UNC79: variants seen among roughly 807,000 people sequenced by gnomAD.
The protein encoded by UNC79 is protein unc-79 homolog.
In UNC79, 37 loss-of-function variants were observed where a neutral mutation model predicts 283.1. The observed-to-expected ratio is 0.13, with a 90% CI of 0.10 to 0.17. The LOEUF (loss-of-function observed/expected upper bound fraction) is 0.17. Among genes scored for constraint, UNC79 ranks in the 10% least tolerant of loss-of-function variants. The pLI is 1.00. For synonymous variants in UNC79, 1,107 were observed against 1,200.2 expected (o/e 0.92, Z 1.61); for missense variants, 2,272 against 3,211.1 (o/e 0.71, Z 7.07).
chr14:93,426,393 A>T (rs984382075), upstream of UNC79, among the ~76,000 whole-genome samples: 2 of 150,690 alleles, frequency 1.3e-5, no homozygotes, highest in African/African-American at 2.4e-5. Flanking sequence ...ATTTTGGAAA[A>T]TTTTCAGCCA....
intron 1 of UNC79, among the ~76,000 whole-genome samples, chr14:93,360,628 G>T (rs562821139): frequency 8.5e-5 from 13 of 152,186 alleles, no homozygotes; most frequent in Non-Finnish European, 1.5e-4. Flanking sequence ...CAACTTTCCA[G>T]CTTTGTGTCA....
rs74614707 is a variant in UNC79, at chr14:93,658,139, C to T, written c.6457-1054C>T. Among the ~76,000 whole-genome samples the T allele has an allele frequency of 9.0e-3, 1,374 of 152,264 alleles. 24 individuals carry two copies. The highest frequency in any genetic ancestry group is 0.031 in the African/African-American group (1,293 of 41,544). ...TCAAAATCTGTGTAAGAATTTCTCC[C>T]GCTAGGGCAGATCTGGGCACTGCCC... is the stretch of plus-strand genomic sequence containing the variant. On this transcript the variant is annotated intron_variant, in intron 38 of 48. Coordinates refer to ENST00000555664, the Ensembl canonical transcript of UNC79.
chr14:93,582,876 C>T lies in UNC79; in HGVS notation c.2803+532C>T, dbSNP rs145422350. 4.9e-3 allele frequency among the ~76,000 whole-genome samples: 739 copies of T among 152,082 alleles called. 11 individuals carry two copies. Among genetic ancestry groups the T allele is most frequent in the Non-Finnish European group, 6.5e-3 (445 of 67,996 alleles). On this transcript the variant is annotated intron_variant, in intron 20 of 48. Transcript: ENST00000555664. ...TACTCTAGCTCCTCTCACATGAGGACGTTTAGGGATTTCAGGATGTGACCC... is the reference window on the plus strand; with the variant it reads ...TACTCTAGCTCCTCTCACATGAGGATGTTTAGGGATTTCAGGATGTGACCC...
At chr14:93,535,118 G>A (rs953474648) in intron 11 of UNC79, among the ~76,000 whole-genome samples, 24 of 152,312 alleles carry the variant, frequency 1.6e-4, no homozygotes, top group African/African-American at 5.3e-4. Context: ...TTATTTCTAT[G>A]TGTTTAAAAT....
chr14:93,386,838 G>A (rs543109408), intron 1 of UNC79, among the ~76,000 whole-genome samples: 1 of 144,258 alleles, frequency 6.9e-6, no homozygotes, highest in East Asian at 2.1e-4. Flanking sequence ...CTAAAGGTTT[G>A]TCACTCTTGT....
At chr14:93,623,533 A>G (rs972794460) in intron 30 of UNC79, among the ~76,000 whole-genome samples, 1 of 152,220 alleles carries the variant, frequency 6.6e-6, no homozygotes, top group Non-Finnish European at 1.5e-5. Flanking sequence ...ATCCTATAAC[A>G]GTCTTCTGTA....
chr14:93,368,179 G>T (rs114325640), intron 1 of UNC79, among the ~76,000 whole-genome samples: 1,997 of 152,056 alleles, frequency 0.013, 54 homozygotes, highest in African/African-American at 0.046. Context: ...ATTTTTCTTT[G>T]ATTATTTTGA....
In UNC79 at chr14:93,621,833, C is replaced by G; in HGVS notation, c.4600C>G (p.Gln1534Glu). ...GTGTGACATAGAGAAGCCTCCGACC[C>G]AAGCTGCGTATATCGCACAAAGACC... Residue 1534 changes from glutamine (Q) to glutamate (E), a missense_variant, in exon 30 of 49, where the codon CAA becomes GAA. Transcript: ENST00000555664. This position sits in a 1 kb window ranked among gnomAD's most constrained non-coding sequence, Gnocchi z 4.8. 3.1e-6 allele frequency: 5 copies of G among 1,614,086 alleles called. No individual in the cohort carries two copies. Among genetic ancestry groups the G allele is most frequent in the Non-Finnish European group, 4.2e-6 (5 of 1,179,990 alleles).
intron 41 of UNC79, 102 bp from the exon 45 acceptor site, chr14:93,682,514 GA>G (rs2073928436): frequency 9.8e-7 from 1 of 1,019,876 alleles, no homozygotes; most frequent in Non-Finnish European, 1.5e-6. Context: ...AGATCGTCAT[GA>G]AAATAAACAC....
chr14:93,488,175 G>A (rs2058540330), intron 5 of UNC79, among the ~76,000 whole-genome samples: 1 of 152,164 alleles, frequency 6.6e-6, no homozygotes, highest in African/African-American at 2.4e-5. Context: ...ACAAAAGAGG[G>A]ATTAATGAGT....
intron 15 of UNC79, 83 bp downstream of exon 15, chr14:93,572,167 A>C (rs1231034332): frequency 7.1e-7 from 1 of 1,417,934 alleles, no homozygotes; most frequent in Admixed American, 2.3e-5. Flanking sequence ...CGGTCACCCT[A>C]CTAAGCGTTT....
intron 1 of UNC79, among the ~76,000 whole-genome samples, chr14:93,417,428 G>A (rs1483195951): frequency 1.3e-5 from 2 of 152,098 alleles, no homozygotes; most frequent in African/African-American, 2.4e-5. Flanking sequence ...TGGGTAACCC[G>A]ACCTTTCTCT....
At chr14:93,673,229 A>G (rs762575937) in intron 40 of UNC79, 122 bp from the exon 44 acceptor site, 47 of 782,404 alleles carry the variant, frequency 6.0e-5, no homozygotes, top group Non-Finnish European at 8.0e-5. Context: ...ACACTTCACT[A>G]TGCATTTTTG....
At chr14:93,695,890 C>CAAAAAAAAAAAAAAAAAAAAAAAAAAAA (rs535235954) in intron 47 of UNC79, among the ~76,000 whole-genome samples, 18 of 39,428 alleles carry the variant, frequency 4.6e-4, no homozygotes, top group Admixed American at 7.1e-4. Context: ...GACTTTGTCT[C>CAAAAAAAAAAAAAAAAAAAAAAAAAAAA]AAAAAAAAAA....
rs185384902 is a variant in UNC79, at chr14:93,450,522, C to T, written c.23-17149C>T. 1.7e-4 allele frequency among the ~76,000 whole-genome samples: 26 copies of T among 152,206 alleles called. No homozygotes were observed. In the East Asian group the frequency reaches 3.7e-3, roughly 21 times the overall value. ...GGATGCATCTATGAATGTCTAAATA[C>T]GCCTTTATTTTTGATTTGTAGTTTG... is the stretch of plus-strand genomic sequence containing the variant. On this transcript the variant is annotated intron_variant, in intron 1 of 48. Transcript: ENST00000555664.
chr14:93,668,274 TA>T (rs1221455635), intron 40 of UNC79, among the ~76,000 whole-genome samples: 2 of 152,206 alleles, frequency 1.3e-5, no homozygotes, highest in Non-Finnish European at 2.9e-5. Flanking sequence ...GACAGCTTTT[TA>T]GAACCTACAA....
intron 40 of UNC79, among the ~76,000 whole-genome samples, chr14:93,672,336 A>AACT (rs1406514513): frequency 6.6e-6 from 1 of 152,240 alleles, no homozygotes; most frequent in Non-Finnish European, 1.5e-5. Context: ...ATACATAATG[A>AACT]ACTACTATTC....
At chr14:93,640,580 C>A (rs1433700126) in intron 32 of UNC79, among the ~76,000 whole-genome samples, 1 of 152,128 alleles carries the variant, frequency 6.6e-6, no homozygotes, top group Non-Finnish European at 1.5e-5. Context: ...GTGAGCTGTG[C>A]TCACGCCACT....
chr14:93,443,212 G>A (rs2056360145), intron 1 of UNC79, among the ~76,000 whole-genome samples: 1 of 128,176 alleles, frequency 7.8e-6, no homozygotes, highest in African/African-American at 3.0e-5. Context: ...CAACAGAGAG[G>A]GAGTCAGTCT....
Sources: allele counts gnomAD v4.1 joint callset (sites outside exome capture counted in the v4.1 genomes callset), GRCh38; gene constraint gnomAD v4.1.1; non-coding constraint Gnocchi (gnomAD v3.1); transcripts MANE v1.5; gene names NCBI Gene and HGNC (gene_info 2026-07-23, HGNC 2026-07-21).